HNRNPM: variants seen among roughly 807,000 people sequenced by gnomAD.
HNRNPM encodes CEA receptor.
A neutral mutation model predicts 73.1 loss-of-function variants in HNRNPM; 11 were observed. The ratio of observed to expected loss-of-function variants is 0.15; its 90% CI spans 0.09 to 0.25. The LOEUF is 0.25. Among genes scored for constraint, HNRNPM ranks in the 10% least tolerant of loss-of-function variants. HNRNPM has a pLI of 1.00. For missense variants in HNRNPM, 789 were observed against 1,067.9 expected (o/e 0.74, Z 3.64); for synonymous variants, 407 against 355.2 (o/e 1.15, Z -1.64).
At chr19:8,483,736 AC>A (rs1225568196) in intron 13 of HNRNPM, among the ~76,000 whole-genome samples, 1 of 152,226 alleles carries the variant, frequency 6.6e-6, no homozygotes, top group African/African-American at 2.4e-5. Context: ...TTTCATTCAT[AC>A]ACAGCTTTAT....
At chr19:8,468,654 C>T in intron 8 of HNRNPM, 120 bp from the exon 9 acceptor site, 1 of 734,356 alleles carries the variant, frequency 1.4e-6, no homozygotes, top group Non-Finnish European at 2.4e-6. Context: ...GCGTATTACT[C>T]CATGGCGTGG....
At chr19:8,471,908 C>CA (rs1485624884) in intron 10 of HNRNPM, among the ~76,000 whole-genome samples, 3 of 152,196 alleles carry the variant, frequency 2.0e-5, no homozygotes, top group Non-Finnish European at 4.4e-5. Flanking sequence ...CACGGTGGCT[C>CA]ACGCCTGTAA....
chr19:8,483,108 A>G (rs1599848498), intron 12 of HNRNPM, 50 bp from the exon 13 acceptor site: 4 of 1,166,338 alleles, frequency 3.4e-6, no homozygotes, highest in South Asian at 2.5e-5. Context: ...GCACATTTCT[A>G]TTGCCATAGA....
At chr19:8,481,057 G>A (rs1970883240) in intron 12 of HNRNPM, among the ~76,000 whole-genome samples, 1 of 152,194 alleles carries the variant, frequency 6.6e-6, no homozygotes, top group African/African-American at 2.4e-5. Context: ...CCTTTGCCAT[G>A]AGAGGTGAAC....
chr19:8,463,555 A>G, intron 4 of HNRNPM, 38 bp from the exon 5 acceptor site: 1 of 1,612,072 alleles, frequency 6.2e-7, no homozygotes. Context: ...AACTTGTAGG[A>G]CTGGTTTCAC....
At chr19:8,478,836 C>G (rs533585663) in intron 12 of HNRNPM, among the ~76,000 whole-genome samples, 1 of 152,124 alleles carries the variant, frequency 6.6e-6, no homozygotes, top group Non-Finnish European at 1.5e-5. Context: ...GAGCGTGTTT[C>G]AAAGCCCTGC....
At chr19:8,459,524 T>C (rs552679633) in intron 2 of HNRNPM, among the ~76,000 whole-genome samples, 19 of 152,198 alleles carry the variant, frequency 1.2e-4, no homozygotes, top group Non-Finnish European at 2.4e-4. Context: ...TTGACCGTTA[T>C]GAGATGAAGA....
Position 8,450,727 on chromosome 19 carries a change from A to ATTATTAT in HNRNPM, c.114-4676_114-4675insATTATTT, listed in dbSNP as rs1555697585. 4.2e-3 allele frequency among the ~76,000 whole-genome samples: 525 copies of ATTATTAT among 125,380 alleles called. 3 individuals are homozygous for ATTATTAT. The highest frequency in any genetic ancestry group is 0.013 in the African/African-American group (505 of 37,640). 82.3% of individuals were successfully genotyped at this position (125,380 alleles called of 152,430 possible). A position where few individuals can be genotyped will look rare whatever the true frequency, so the allele number is the denominator to read the frequency against. The stretch of plus-strand genomic sequence containing the variant: ...AATTTAATTAATTATTATTATTATT[A>ATTATTAT]TTTTTTTTTTTTTTGAGATGGAGTT... On this transcript the variant is annotated intron_variant, in intron 1 of 15. Transcript: ENST00000325495.
At chr19:8,481,967 CTTTTT>C (rs35179733) in intron 12 of HNRNPM, among the ~76,000 whole-genome samples, 2 of 117,326 alleles carry the variant, frequency 1.7e-5, no homozygotes, top group Admixed American at 9.1e-5. Flanking sequence ...TGTTTGGTGT[CTTTTT>C]TTTTTTTTTT....
intron 1 of HNRNPM, among the ~76,000 whole-genome samples, chr19:8,449,899 C>G (rs184652759): frequency 6.6e-6 from 1 of 152,316 alleles, no homozygotes; most frequent in Admixed American, 6.5e-5. Context: ...GGCCTAGTGA[C>G]GACATGGTGA....
chr19:8,450,414 G>A (rs1340890372), intron 1 of HNRNPM, among the ~76,000 whole-genome samples: 1 of 152,012 alleles, frequency 6.6e-6, no homozygotes, highest in Non-Finnish European at 1.5e-5. Flanking sequence ...TTTTATTAGG[G>A]TTTTTTTGTT....
intron 13 of HNRNPM, 76 bp downstream of exon 13, chr19:8,483,287 G>A: frequency 8.5e-7 from 1 of 1,175,600 alleles, no homozygotes; most frequent in Non-Finnish European, 1.3e-6. Context: ...GCTTAGTGGT[G>A]AGAAGTGCGG....
intron 1 of HNRNPM, among the ~76,000 whole-genome samples, chr19:8,450,390 T>A (rs912246748): frequency 6.6e-6 from 1 of 152,192 alleles, no homozygotes; most frequent in Non-Finnish European, 1.5e-5. Context: ...TTTTGCAGAT[T>A]AGGCACTCAA....
chr19:8,446,027 C>T (rs1968155745), intron 1 of HNRNPM, among the ~76,000 whole-genome samples: 1 of 152,086 alleles, frequency 6.6e-6, no homozygotes. Context: ...GAAACTCATT[C>T]ATTCTGATTA....
chr19:8,463,446 T>C (rs945112963), intron 3 of HNRNPM, 51 bp from the exon 4 acceptor site: 11 of 1,599,556 alleles, frequency 6.9e-6, no homozygotes, highest in Non-Finnish European at 9.4e-6. Flanking sequence ...TTTTTTTCTT[T>C]TCTTTTTCCC....
At chr19:8,472,205 C>T (rs1568284691) in intron 10 of HNRNPM, among the ~76,000 whole-genome samples, 1 of 149,500 alleles carries the variant, frequency 6.7e-6, no homozygotes, top group Admixed American at 6.7e-5. Context: ...TGCATGAAAG[C>T]TTTGATGTGT....
At position 8,485,662 on chromosome 19, in the gene HNRNPM, G is replaced by A. The variant is rs759073351; in HGVS notation, c.1234G>A (p.Gly412Arg). Residue 412 changes from glycine to arginine, a missense_variant, in exon 14 of 16, where the codon GGG becomes AGG. By Grantham distance (125) the Gly-to-Arg change is moderately radical. Around this residue, in one of 4 missense-constraint regions of HNRNPM, gnomAD observed 604 missense variants for 744.0 expected, o/e 0.81. Transcript: ENST00000325495. ...GATGGGTCCTGGCATTGACCGCCTC[G>A]GGGGTGCCGGCATGGAGCGCATGGG... Reference protein sequence around the residue: ...ERMGPGIDRLGGAGMERMGAG... With the variant: ...ERMGPGIDRLRGAGMERMGAG... 22 of 1,607,884 alleles carry A rather than the reference G, an allele frequency of 1.4e-5. No individual in the cohort carries two copies. The highest frequency in any genetic ancestry group is 1.7e-5 in the Admixed American group (1 of 59,968).
At chr19:8,455,917 A>C (rs1968982947) in intron 2 of HNRNPM, among the ~76,000 whole-genome samples, 1 of 141,258 alleles carries the variant, frequency 7.1e-6, no homozygotes, top group Admixed American at 7.2e-5. Context: ...TTTGCACGTT[A>C]GGTGGGAGAG....
Position 8,474,386 on chromosome 19 carries a change from T to C in HNRNPM, c.1120+142T>C, listed in dbSNP as rs1487080159. The C allele has an allele frequency of 9.2e-6, 5 of 543,178 alleles. No homozygotes were observed. In the African/African-American group the frequency reaches 9.8e-5, roughly 11 times the overall value. 33.6% of individuals were successfully genotyped at this position (543,178 alleles called of 1,614,324 possible). On this transcript the variant is annotated intron_variant, in intron 12 of 15. Coordinates refer to ENST00000325495, the MANE Select transcript of HNRNPM (RefSeq NM_005968.5). ...GAATCAAATGTCTTTTGAATTGCCT[T>C]AAATATTTCAAAAACTAGACATAAT...
Sources: allele counts gnomAD v4.1 joint callset (sites outside exome capture counted in the v4.1 genomes callset), GRCh38; gene constraint gnomAD v4.1.1; regional missense constraint gnomAD v4.1.1; transcripts MANE v1.5; gene names NCBI Gene and HGNC (gene_info 2026-07-23, HGNC 2026-07-21).